Variants in GRM8 observed in about 807,000 individuals in gnomAD.
GRM8 encodes metabotropic glutamate receptor 8.
GRM8 carries 47 observed loss-of-function variants against 87.2 expected under a neutral mutation model. The ratio of observed to expected loss-of-function variants is 0.54; its 90% CI spans 0.43 to 0.69. GRM8 has a LOEUF of 0.69. Ranked by LOEUF, GRM8 falls within the 30% of genes least tolerant of loss-of-function variation. The pLI is 0.00. For synonymous variants in GRM8, 396 were observed against 404.5 expected, an observed-to-expected ratio of 0.98 and a Z score of 0.25; for missense variants, 1,019 against 1,139.2, an observed-to-expected ratio of 0.89 and a Z score of 1.52.
chr7:126,560,974 A>G (rs1793628761), intron 8 of GRM8, among the ~76,000 whole-genome samples: 2 of 152,206 alleles, frequency 1.3e-5, no homozygotes, highest in South Asian at 4.1e-4. Context: ...GACGTTCAAT[A>G]CTAGAAATCA....
At chr7:126,847,636 A>C (rs755856538) in intron 6 of GRM8, among the ~76,000 whole-genome samples, 3 of 152,158 alleles carry the variant, frequency 2.0e-5, no homozygotes, top group Non-Finnish European at 4.4e-5. Context: ...GCTTCAGAAT[A>C]GCTGAGCTTT....
chr7:126,608,095 T>G (rs534960498), intron 8 of GRM8, among the ~76,000 whole-genome samples: 8 of 151,746 alleles, frequency 5.3e-5, no homozygotes, highest in Non-Finnish European at 1.2e-4. Context: ...GTGAAATAAT[T>G]CTTCACCTGG....
intron 2 of GRM8, among the ~76,000 whole-genome samples, chr7:127,137,716 T>TA (rs553658645): frequency 4.1e-4 from 62 of 151,394 alleles, no homozygotes; most frequent in Middle Eastern, 3.4e-3. Context: ...GCTTTGCTAT[T>TA]AAAAAAAAAT....
chr7:126,929,597 C>A (rs984831513), intron 3 of GRM8, among the ~76,000 whole-genome samples: 1 of 151,984 alleles, frequency 6.6e-6, no homozygotes, highest in African/African-American at 2.4e-5. Flanking sequence ...CTATGCCTGG[C>A]TAATTTTTAT....
Position 126,533,337 on chromosome 7 carries a change from T to C in GRM8, c.2045A>G (p.Lys682Arg). Residue 682 changes from lysine (K) to arginine (R), a missense_variant, in exon 9 of 11, where the codon AAA becomes AGA. Lys to Arg is a conservative substitution (Grantham distance 26, BLOSUM62 2). Transcript: ENST00000339582. ...RIHRIFEQGK[K>R]SVTAPKFISP... ...AATGAACTTGGGCGCTGTGACAGAT[T>C]TCTTCCCCTGCTCAAATATTCGGTG... 1 of 1,613,828 alleles carries C rather than the reference T, an allele frequency of 6.2e-7. No homozygotes were observed.
At chr7:126,964,394 A>AT (rs1212830197) in intron 3 of GRM8, among the ~76,000 whole-genome samples, 1 of 152,212 alleles carries the variant, frequency 6.6e-6, no homozygotes, top group Non-Finnish European at 1.5e-5. Flanking sequence ...ATGGGAAAAA[A>AT]TTTTTGCAAT....
chr7:126,514,423 T>C (rs1811878509), intron 9 of GRM8, among the ~76,000 whole-genome samples: 1 of 152,176 alleles, frequency 6.6e-6, no homozygotes. Context: ...ATCCCTGTTT[T>C]ACAACTCACA....
chr7:127,078,157 G>A (rs1030099484), intron 3 of GRM8, among the ~76,000 whole-genome samples: 1 of 152,170 alleles, frequency 6.6e-6, no homozygotes, highest in East Asian at 1.9e-4. Context: ...TCCTTAGAAC[G>A]TGGCAATAGT....
chr7:126,674,960 AGAAAG>A (rs1015987458), intron 7 of GRM8, among the ~76,000 whole-genome samples: 1 of 152,228 alleles, frequency 6.6e-6, no homozygotes, highest in Non-Finnish European at 1.5e-5. Flanking sequence ...GGTGAGGAGA[AGAAAG>A]GAACTTCCAG....
intron 3 of GRM8, among the ~76,000 whole-genome samples, chr7:126,913,902 C>A (rs950515799): frequency 2.6e-5 from 4 of 152,192 alleles, no homozygotes; most frequent in Admixed American, 1.3e-4. Flanking sequence ...GTTATCTCTA[C>A]CAACATGGAT....
chr7:127,208,600 C>A (rs1010369357), intron 2 of GRM8, among the ~76,000 whole-genome samples: 9 of 152,218 alleles, frequency 5.9e-5, no homozygotes, highest in African/African-American at 2.2e-4. Context: ...TAGAGCCGGT[C>A]TCTGCCATGC....
intron 3 of GRM8, among the ~76,000 whole-genome samples, chr7:127,023,375 A>G (rs1263502267): frequency 2.6e-5 from 4 of 151,982 alleles, no homozygotes; most frequent in African/African-American, 9.7e-5. Flanking sequence ...TTATTATGGC[A>G]AAACCTATTT....
intron 3 of GRM8, among the ~76,000 whole-genome samples, chr7:127,037,331 A>G (rs1037304919): frequency 1.3e-5 from 2 of 152,090 alleles, no homozygotes; most frequent in Non-Finnish European, 2.9e-5. Context: ...GGTATCCCCA[A>G]TTTGCCTCCC....
At chr7:126,729,553 T>C (rs1000541091) in intron 7 of GRM8, among the ~76,000 whole-genome samples, 4 of 152,164 alleles carry the variant, frequency 2.6e-5, no homozygotes, top group Non-Finnish European at 5.9e-5. Context: ...CTTTTACCAG[T>C]CCAGCACTGG....
intron 3 of GRM8, among the ~76,000 whole-genome samples, chr7:126,984,645 T>C (rs2131887233): frequency 6.6e-6 from 1 of 152,334 alleles, no homozygotes; most frequent in East Asian, 1.9e-4. Context: ...TTAATACTAC[T>C]TAATAAACTC....
intron 3 of GRM8, among the ~76,000 whole-genome samples, chr7:126,963,883 G>T (rs1809567617): frequency 1.3e-5 from 2 of 152,120 alleles, no homozygotes; most frequent in Admixed American, 1.3e-4. Flanking sequence ...AAAGAACAAA[G>T]CTGGAGGCAT....
chr7:126,885,814 T>C (rs1800438044), intron 6 of GRM8, among the ~76,000 whole-genome samples: 1 of 152,166 alleles, frequency 6.6e-6, no homozygotes, highest in Admixed American at 6.6e-5. Flanking sequence ...CCTTCAAATA[T>C]AACTTTCCTG....
At chr7:126,587,377 C>G (rs1294789108) in intron 8 of GRM8, among the ~76,000 whole-genome samples, 1 of 152,230 alleles carries the variant, frequency 6.6e-6, no homozygotes, top group African/African-American at 2.4e-5. Flanking sequence ...CACATGCACA[C>G]GTATGTTTAT....
chr7:127,074,440 C>A (rs1486144010), intron 3 of GRM8, among the ~76,000 whole-genome samples: 1 of 152,158 alleles, frequency 6.6e-6, no homozygotes, highest in Non-Finnish European at 1.5e-5. Flanking sequence ...AGGCAGGGGG[C>A]TGCTCCTCCT....
Sources: allele counts gnomAD v4.1 joint callset (sites outside exome capture counted in the v4.1 genomes callset), GRCh38; gene constraint gnomAD v4.1.1; transcripts MANE v1.5; gene names NCBI Gene and HGNC (gene_info 2026-07-23, HGNC 2026-07-21).